Variants in ABHD18 observed in about 807,000 individuals in gnomAD.
ABHD18 encodes cardiolipin-specific deacylase, mitochondrial.
A neutral mutation model predicts 65.9 loss-of-function variants in ABHD18; 55 were observed. The ratio of observed to expected loss-of-function variants is 0.84; its 90% confidence interval spans 0.67 to 1.05. The LOEUF (loss-of-function observed/expected upper bound fraction) is 1.05. Ranked by LOEUF, ABHD18 falls within the 50% of genes least tolerant of loss-of-function variation. The probability of loss-of-function intolerance (pLI) is 0.00; values close to 1 mark genes in which losing one functional copy is unlikely to be tolerated. For missense variants in ABHD18, 533 were observed against 558.5 expected, an observed-to-expected ratio of 0.95 and a Z score of 0.46; for synonymous variants, 181 against 180.2, an observed-to-expected ratio of 1.00 and a Z score of -0.04.
In ABHD18 at chr4:127,974,997, CAAAA is replaced by C. The variant is rs34068699; in HGVS notation, c.-17-7923_-17-7920del. Among the ~76,000 whole-genome samples the C allele has an allele frequency of 1.0e-4, 9 of 88,266 alleles. No homozygotes were observed. The Admixed American group carries it at 1.2e-3, about 11-fold the overall frequency. The allele number at this position is 88,266 out of a possible 152,430, so 57.9% of individuals were successfully genotyped here. Reference sequence around the variant, plus strand: ...GGCAACAAGAGCAAAAACTGTGTCTCAAAAAAAAAAAAAAAAAAAAAATAGTGAA... The same window carrying C: ...GGCAACAAGAGCAAAAACTGTGTCTCAAAAAAAAAAAAAAAAAATAGTGAA... On this transcript the variant is annotated intron_variant, in intron 1 of 12. Coordinates refer to ENST00000645843, the MANE Select transcript of ABHD18 (RefSeq NM_001358451.3).
chr4:127,994,086 T>C (rs944595725), intron 4 of ABHD18, among the ~76,000 whole-genome samples: 3 of 152,184 alleles, frequency 2.0e-5, no homozygotes, highest in Non-Finnish European at 4.4e-5. Context: ...GAAAAATATA[T>C]CAGGTAAATG....
At chr4:128,013,204 CCTACTTTGG>C (rs1189601952) in intron 7 of ABHD18, among the ~76,000 whole-genome samples, 3 of 151,594 alleles carry the variant, frequency 2.0e-5, no homozygotes, top group African/African-American at 4.8e-5. Flanking sequence ...TTTTTTAAAA[CCTACTTTGG>C]CTACTTTGGT....
intron 7 of ABHD18, among the ~76,000 whole-genome samples, chr4:128,013,563 T>TG (rs1456681951): frequency 1.3e-5 from 2 of 152,022 alleles, no homozygotes; most frequent in Admixed American, 1.3e-4. Flanking sequence ...CCGGGCGTGG[T>TG]GGTGGGCACC....
intron 1 of ABHD18, among the ~76,000 whole-genome samples, chr4:127,968,178 A>C (rs971395149): frequency 3.3e-5 from 5 of 152,210 alleles, no homozygotes; most frequent in East Asian, 3.8e-4. Flanking sequence ...CCACTGCACT[A>C]CAGCCTGGGC....
At chr4:127,969,408 A>G (rs1000290948) in intron 1 of ABHD18, among the ~76,000 whole-genome samples, 2 of 151,922 alleles carry the variant, frequency 1.3e-5, no homozygotes, top group Non-Finnish European at 2.9e-5. Flanking sequence ...TCCATGGGTC[A>G]GGCTGGTCTC....
Position 128,037,591 on chromosome 4 carries a change from G to T in ABHD18, c.*1778G>T, listed in dbSNP as rs184608770. 8.8e-4 allele frequency: 134 copies of T among 152,158 alleles called. No homozygotes were observed. The highest frequency in any genetic ancestry group is 3.0e-3 in the African/African-American group (126 of 41,558). The allele number at this position is 152,158 out of a possible 1,614,324, so 9.4% of individuals were successfully genotyped here. A position where few individuals can be genotyped will look rare whatever the true frequency, so the allele number is the denominator to read the frequency against. ...GACCTCAAGTGATATGCCTGCCTTGGCCTCCCAAAGTGCTGGGATTATAGG... is the reference window on the plus strand; with the variant it reads ...GACCTCAAGTGATATGCCTGCCTTGTCCTCCCAAAGTGCTGGGATTATAGG... On this transcript the variant is annotated 3_prime_UTR_variant, in exon 13 of 13. Coordinates refer to ENST00000645843, the MANE Select transcript of ABHD18 (RefSeq NM_001358451.3).
In ABHD18 at chr4:127,996,654, C is replaced by G. The variant is rs544738290; in HGVS notation, c.278+6833C>G. 7.2e-5 allele frequency among the ~76,000 whole-genome samples: 11 copies of G among 152,238 alleles called. No homozygotes were observed. In the East Asian group the frequency reaches 9.7e-4, roughly 13 times the overall value. On this transcript the variant is annotated intron_variant, in intron 4 of 12. Coordinates refer to ENST00000645843, the MANE Select transcript of ABHD18 (RefSeq NM_001358451.3). ...TTTACCAGGCTGGAATTTCCCAATCCTAGTAAACCTGAGGGTACTGCAGGA... is the reference window on the plus strand; with the variant it reads ...TTTACCAGGCTGGAATTTCCCAATCGTAGTAAACCTGAGGGTACTGCAGGA...
intron 4 of ABHD18, among the ~76,000 whole-genome samples, chr4:128,001,916 T>C (rs1179227971): frequency 6.6e-6 from 1 of 152,084 alleles, no homozygotes; most frequent in Non-Finnish European, 1.5e-5. Flanking sequence ...AGATAAATTT[T>C]CATCTATTAT....
intron 4 of ABHD18, among the ~76,000 whole-genome samples, chr4:128,003,952 A>AC (rs986691317): frequency 3.3e-5 from 5 of 150,808 alleles, no homozygotes; most frequent in African/African-American, 1.2e-4. Flanking sequence ...TCGATTTAAA[A>AC]AAAAAAAAAA....
intron 6 of ABHD18, among the ~76,000 whole-genome samples, chr4:128,010,533 A>C (rs1754346146): frequency 6.6e-6 from 1 of 151,990 alleles, no homozygotes; most frequent in Non-Finnish European, 1.5e-5. Flanking sequence ...GTCAAAAAAA[A>C]AAAAGAAAGA....
chr4:128,013,847 A>G (rs1031546453), intron 7 of ABHD18, among the ~76,000 whole-genome samples: 3 of 152,170 alleles, frequency 2.0e-5, no homozygotes, highest in Admixed American at 6.6e-5. Flanking sequence ...TGAAAGAGGT[A>G]TAGATGAAAG....
At chr4:128,029,713 T>C (rs1757938874) in intron 11 of ABHD18, among the ~76,000 whole-genome samples, 1 of 151,950 alleles carries the variant, frequency 6.6e-6, no homozygotes, top group East Asian at 1.9e-4. Context: ...TAATCCCAGC[T>C]ACTCAGGAGG....
chr4:127,971,932 T>G (rs1746902960), intron 1 of ABHD18, among the ~76,000 whole-genome samples: 1 of 152,038 alleles, frequency 6.6e-6, no homozygotes, highest in Non-Finnish European at 1.5e-5. Flanking sequence ...CCCCACAAGT[T>G]AAGGGCTCAG....
rs59549849 is a variant in ABHD18, at chr4:128,023,403, C to CAAA, written c.801+2194_801+2196dup. ...AAATAAAGTGAGACTCTTGTCTCTA[C>CAAA]AAAAAAAAAAAAAAAAAAAAAAAAA... On this transcript the variant is annotated intron_variant, in intron 10 of 12. Coordinates refer to ENST00000645843, the MANE Select transcript of ABHD18 (RefSeq NM_001358451.3). 8.0e-4 allele frequency among the ~76,000 whole-genome samples: 36 copies of CAAA among 44,966 alleles called. 1 individual carries two copies. The highest frequency in any genetic ancestry group is 1.8e-3 in the South Asian group (1 of 566). The allele number at this position is 44,966 out of a possible 152,430, so 29.5% of individuals were successfully genotyped here.
At chr4:127,994,116 A>G (rs1267825556) in intron 4 of ABHD18, among the ~76,000 whole-genome samples, 1 of 152,238 alleles carries the variant, frequency 6.6e-6, no homozygotes, top group African/African-American at 2.4e-5. Flanking sequence ...AACTGCAAGC[A>G]TTCTTTTCCG....
At chr4:127,992,806 A>T (rs895198531) in intron 4 of ABHD18, among the ~76,000 whole-genome samples, 1 of 152,050 alleles carries the variant, frequency 6.6e-6, no homozygotes, top group African/African-American at 2.4e-5. Context: ...TGCTCCCCAG[A>T]GTGCTGAGAT....
In ABHD18 at chr4:127,965,430, G is replaced by A. The variant is rs913685061; in HGVS notation, c.-194G>A. 3 of 549,198 alleles carry A rather than the reference G, an allele frequency of 5.5e-6. No homozygotes were observed. The African/African-American group carries it at 5.7e-5, about 10-fold the overall frequency. The allele number at this position is 549,198 out of a possible 1,614,324, so 34.0% of individuals were successfully genotyped here. On this transcript the variant is annotated 5_prime_UTR_variant, in exon 1 of 13. Transcript: ENST00000645843. Reference sequence around the variant, plus strand: ...CAAACTGCCGCGCCGCCCTGCTCCGGGTTTGTCTTCCTCCCTCCGTTTCTC... The same window carrying A: ...CAAACTGCCGCGCCGCCCTGCTCCGAGTTTGTCTTCCTCCCTCCGTTTCTC...
intron 4 of ABHD18, among the ~76,000 whole-genome samples, chr4:127,993,885 G>A (rs1751322945): frequency 6.6e-6 from 1 of 152,072 alleles, no homozygotes; most frequent in Admixed American, 6.5e-5. Flanking sequence ...TGCTAAACAT[G>A]GAATTTCTGG....
chr4:127,984,050 A>G (rs1387453230), intron 2 of ABHD18, among the ~76,000 whole-genome samples: 1 of 151,944 alleles, frequency 6.6e-6, no homozygotes, highest in African/African-American at 2.4e-5. Context: ...GGGGAAAAAA[A>G]AAAAAAGAAA....
Sources: gnomAD v4.1 joint callset for allele counts (sites outside exome capture counted in the v4.1 genomes callset) on GRCh38, gnomAD v4.1.1 for gene constraint, MANE v1.5 for transcripts, NCBI Gene and HGNC (gene_info 2026-07-23, HGNC 2026-07-21) for gene names.